The following TMEM132D variants were observed in gnomAD, a reference collection of about 807,000 sequenced individuals.
TMEM132D encodes mature OL transmembrane protein.
A neutral mutation model predicts 62.3 loss-of-function variants in TMEM132D; 21 were observed. The ratio of observed to expected loss-of-function variants is 0.34; its 90% CI spans 0.24 to 0.49. The LOEUF (loss-of-function observed/expected upper bound fraction) is 0.49, where lower values mean the gene tolerates loss of function less well. Among genes scored for constraint, TMEM132D ranks in the 20% least tolerant of loss-of-function variants. The pLI, the probability that TMEM132D is intolerant of heterozygous loss-of-function variation, is 0.99. For missense variants in TMEM132D, 1,346 were observed against 1,402.8 expected (o/e 0.96, Z 0.65); for synonymous variants, 621 against 575.6 (o/e 1.08, Z -1.13).
intron 2 of TMEM132D, among the ~76,000 whole-genome samples, chr12:129,681,851 A>C (rs1272300886): frequency 6.6e-6 from 1 of 152,160 alleles, no homozygotes; most frequent in Non-Finnish European, 1.5e-5. Flanking sequence ...CACTGAGCTG[A>C]TTTTTGGAAA....
chr12:129,513,129 A>C (rs1330901647), intron 3 of TMEM132D, among the ~76,000 whole-genome samples: 1 of 152,214 alleles, frequency 6.6e-6, no homozygotes, highest in East Asian at 1.9e-4. Flanking sequence ...GCAGGTTGAG[A>C]AGCTCAAGGG....
intron 1 of TMEM132D, among the ~76,000 whole-genome samples, chr12:129,761,682 A>C (rs1218815706): frequency 6.6e-6 from 1 of 152,138 alleles, no homozygotes; most frequent in East Asian, 1.9e-4. Context: ...AAGTATTCCC[A>C]CGCGGTCTGC....
At chr12:129,716,984 C>T (rs559928712) in intron 1 of TMEM132D, among the ~76,000 whole-genome samples, 1 of 152,238 alleles carries the variant, frequency 6.6e-6, no homozygotes, top group South Asian at 2.1e-4. Flanking sequence ...TGGAGTTGTG[C>T]CAGGCCTGTG....
At chr12:129,187,828 C>A (rs1191530538) in intron 5 of TMEM132D, among the ~76,000 whole-genome samples, 1 of 152,262 alleles carries the variant, frequency 6.6e-6, no homozygotes, top group Non-Finnish European at 1.5e-5. Context: ...TTTCTCCACT[C>A]TTACGAAGTC....
At chr12:129,217,057 C>G (rs1385013828) in intron 4 of TMEM132D, among the ~76,000 whole-genome samples, 1 of 152,114 alleles carries the variant, frequency 6.6e-6, no homozygotes, top group Admixed American at 6.5e-5. Context: ...TTAGAGATCA[C>G]TTGCCATTTT....
intron 3 of TMEM132D, among the ~76,000 whole-genome samples, chr12:129,468,977 G>A (rs1393391013): frequency 6.6e-6 from 1 of 152,216 alleles, no homozygotes; most frequent in African/African-American, 2.4e-5. Flanking sequence ...GACAGGTGGA[G>A]TGACAGACAC....
chr12:129,157,325 A>G (rs1285840301), intron 5 of TMEM132D, among the ~76,000 whole-genome samples: 1 of 152,206 alleles, frequency 6.6e-6, no homozygotes, highest in African/African-American at 2.4e-5. Context: ...CAAGTCTCCG[A>G]CTCATAAACT....
intron 1 of TMEM132D, among the ~76,000 whole-genome samples, chr12:129,807,397 A>G (rs377597365): frequency 1.3e-5 from 2 of 152,238 alleles, no homozygotes; most frequent in East Asian, 3.9e-4. Flanking sequence ...AGAGGCCACA[A>G]TGCTCTTCAG....
At chr12:129,887,388 C>G (rs574558599) in intron 1 of TMEM132D, among the ~76,000 whole-genome samples, 17 of 152,314 alleles carry the variant, frequency 1.1e-4, no homozygotes, top group Admixed American at 5.9e-4. Context: ...ACAGTGCAGC[C>G]ACATTAAACA....
rs1297404713 is a variant in TMEM132D, at chr12:129,510,311, T to TTAGATTTTTTCCCTA, written c.1115+20733_1115+20747dup. On this transcript the variant is annotated intron_variant, in intron 3 of 8. Transcript: ENST00000422113. Reference sequence around the variant, plus strand: ...TTTTGCCTATTTTTTAATCAGATTATTAGATTTTTTCCCTATAGAGTTGTT... The same window carrying TTAGATTTTTTCCCTA: ...TTTTGCCTATTTTTTAATCAGATTATTAGATTTTTTCCCTATAGATTTTTTCCCTATAGAGTTGTT... 1.0e-3 allele frequency among the ~76,000 whole-genome samples: 159 copies of TTAGATTTTTTCCCTA among 152,284 alleles called. 1 individual carries two copies. The highest frequency in any genetic ancestry group is 3.6e-3 in the African/African-American group (148 of 41,560).
At position 129,525,453 on chromosome 12, in the gene TMEM132D, T is replaced by C. The variant is rs1876002216; in HGVS notation, c.1115+5606A>G. On this transcript the variant is annotated intron_variant, in intron 3 of 8. Coordinates refer to ENST00000422113, the MANE Select transcript of TMEM132D (RefSeq NM_133448.3). The stretch of plus-strand genomic sequence containing the variant: ...CACTAATGTGATTCATCTTGTACTT[T>C]GGCAAATTTAAATTTAGACTCTGGA... Among the ~76,000 whole-genome samples the C allele has an allele frequency of 3.3e-5, 5 of 152,176 alleles. No homozygotes were observed. In the South Asian group the frequency reaches 1.0e-3, roughly 32 times the overall value.
At chr12:129,162,315 C>T (rs1191096752) in intron 5 of TMEM132D, among the ~76,000 whole-genome samples, 1 of 152,144 alleles carries the variant, frequency 6.6e-6, no homozygotes, top group African/African-American at 2.4e-5. Flanking sequence ...GAAGAGAGCC[C>T]TCACCAGAAA....
At chr12:129,131,686 T>C (rs1593271336) in intron 5 of TMEM132D, among the ~76,000 whole-genome samples, 2 of 152,132 alleles carry the variant, frequency 1.3e-5, no homozygotes, top group East Asian at 3.8e-4. Flanking sequence ...CTCAAGATTG[T>C]TGAGTAAAGC....
At chr12:129,270,242 G>A (rs1880815871) in intron 4 of TMEM132D, among the ~76,000 whole-genome samples, 1 of 152,144 alleles carries the variant, frequency 6.6e-6, no homozygotes. Flanking sequence ...GTCAAGAGCA[G>A]GTTCCTCTAA....
At chr12:129,727,686 C>G (rs969275803) in intron 1 of TMEM132D, among the ~76,000 whole-genome samples, 3 of 152,068 alleles carry the variant, frequency 2.0e-5, no homozygotes, top group African/African-American at 7.2e-5. Flanking sequence ...GATCCAGTTA[C>G]CCAGCATGAG....
At chr12:129,202,272 C>T (rs1470919781) in intron 5 of TMEM132D, among the ~76,000 whole-genome samples, 1 of 152,216 alleles carries the variant, frequency 6.6e-6, no homozygotes, top group African/African-American at 2.4e-5. Context: ...GTGGCTGTGA[C>T]ACATCTCTGA....
intron 1 of TMEM132D, among the ~76,000 whole-genome samples, chr12:129,897,436 G>T (rs1295783571): frequency 6.6e-6 from 1 of 152,104 alleles, no homozygotes; most frequent in Non-Finnish European, 1.5e-5. Context: ...CCATGTCTTA[G>T]TCTTCCCTGC....
chr12:129,227,460 T>G (rs1355758898), intron 4 of TMEM132D, among the ~76,000 whole-genome samples: 1 of 149,714 alleles, frequency 6.7e-6, no homozygotes, highest in Non-Finnish European at 1.5e-5. Context: ...TTCTCTTCAT[T>G]AATAAGAGAA....
rs137953201 is a variant in TMEM132D, at chr12:129,578,173, T to A, written c.969-46968A>T. On this transcript the variant is annotated intron_variant, in intron 2 of 8. Coordinates refer to ENST00000422113, the MANE Select transcript of TMEM132D (RefSeq NM_133448.3). Reference sequence around the variant, plus strand: ...CCTCTTCTCCCCTCTTCCTCAGTCCTCGAGCCTTCGGTCTCAGGCTGGGAG... The same window carrying A: ...CCTCTTCTCCCCTCTTCCTCAGTCCACGAGCCTTCGGTCTCAGGCTGGGAG... Among the ~76,000 whole-genome samples, 653 of 152,238 alleles carry A rather than the reference T, an allele frequency of 4.3e-3. 7 individuals are homozygous for A. The highest frequency in any genetic ancestry group is 0.017 in the Middle Eastern group (5 of 294).
Sources: gnomAD v4.1 joint callset for allele counts (sites outside exome capture counted in the v4.1 genomes callset) on GRCh38, gnomAD v4.1.1 for gene constraint, MANE v1.5 for transcripts, NCBI Gene and HGNC (gene_info 2026-07-23, HGNC 2026-07-21) for gene names.